Variants in SNTG1 observed in about 807,000 individuals in gnomAD.
The protein encoded by SNTG1 is syntrophin gamma 1.
A neutral mutation model predicts 74.7 loss-of-function variants in SNTG1; 39 were observed. That is an observed-to-expected ratio of 0.52 (90% CI 0.40 to 0.68). The LOEUF (loss-of-function observed/expected upper bound fraction) is 0.68. SNTG1 is among the 30% of genes least tolerant of loss of function. The probability of loss-of-function intolerance (pLI) is 0.00; values close to 1 mark genes in which losing one functional copy is unlikely to be tolerated. For missense variants in SNTG1, 685 were observed against 609.5 expected, an observed-to-expected ratio of 1.12 and a Z score of -1.30; for synonymous variants, 254 against 217.1, an observed-to-expected ratio of 1.17 and a Z score of -1.49.
intron 2 of SNTG1, among the ~76,000 whole-genome samples, chr8:50,281,119 G>T (rs1049950473): frequency 2.6e-5 from 4 of 151,904 alleles, no homozygotes; most frequent in Non-Finnish European, 1.5e-5. Context: ...ATATGTCAAA[G>T]AAATATGTTT....
chr8:50,687,287 G>A (rs972007871), intron 15 of SNTG1, among the ~76,000 whole-genome samples: 29 of 151,482 alleles, frequency 1.9e-4, no homozygotes, highest in Non-Finnish European at 4.4e-5. Flanking sequence ...CAACTAAGTA[G>A]CAGTAGTAAA....
intron 1 of SNTG1, among the ~76,000 whole-genome samples, chr8:49,962,277 G>A (rs1304277249): frequency 6.6e-6 from 1 of 151,728 alleles, no homozygotes; most frequent in Admixed American, 6.6e-5. Flanking sequence ...CATGCAGGAA[G>A]CTGAGAGACT....
intron 4 of SNTG1, among the ~76,000 whole-genome samples, chr8:50,427,601 A>G (rs1034823502): frequency 6.6e-6 from 1 of 151,952 alleles, no homozygotes; most frequent in African/African-American, 2.4e-5. Context: ...AAGCTTTTTT[A>G]TCTTTTGTAG....
intron 2 of SNTG1, among the ~76,000 whole-genome samples, chr8:50,202,790 G>GTTTTTTTTT (rs1456148674): frequency 7.3e-6 from 1 of 136,238 alleles, no homozygotes; most frequent in Non-Finnish European, 1.5e-5. Flanking sequence ...CTTTCTCTTT[G>GTTTTTTTTT]TTTTGTTTTT....
intron 2 of SNTG1, among the ~76,000 whole-genome samples, chr8:50,239,426 G>T (rs2086069201): frequency 6.6e-6 from 1 of 152,170 alleles, no homozygotes; most frequent in African/African-American, 2.4e-5. Context: ...TCACAAAGTG[G>T]CAGGAGAGAA....
Position 50,792,770 on chromosome 8 carries a change from G to C in SNTG1, c.1495G>C (p.Ala499Pro). ...CLDPLFLGNQ[A>P]TASTAASSAT... is the part of the protein sequence containing the mutation. ...GGACCCTCTATTTTTAGGCAATCAA[G>C]CTACTGCTTCTACTGCTGCCAGCTC... Residue 499 changes from alanine (A) to proline (P), a missense_variant, in exon 19 of 19, where the codon GCT (alanine) becomes CCT (proline). Coordinates refer to ENST00000642720, the MANE Select transcript of SNTG1 (RefSeq NM_018967.5). 6.2e-7 allele frequency: 1 copy of C among 1,612,520 alleles called. No individual in the cohort carries two copies. Among genetic ancestry groups the C allele is most frequent in the Non-Finnish European group, 8.5e-7 (1 of 1,178,974 alleles).
chr8:49,969,148 T>C (rs1811408284), intron 1 of SNTG1, among the ~76,000 whole-genome samples: 2 of 152,122 alleles, frequency 1.3e-5, no homozygotes, highest in African/African-American at 4.8e-5. Context: ...TAACTCAAAA[T>C]CTTCTGCATT....
intron 2 of SNTG1, among the ~76,000 whole-genome samples, chr8:50,202,265 A>G (rs1458876098): frequency 6.6e-6 from 1 of 152,128 alleles, no homozygotes; most frequent in Non-Finnish European, 1.5e-5. Flanking sequence ...ACAAATGGGT[A>G]GGGCCATGTA....
intron 2 of SNTG1, among the ~76,000 whole-genome samples, chr8:50,261,721 C>T (rs762398832): frequency 4.0e-5 from 6 of 151,704 alleles, no homozygotes; most frequent in East Asian, 1.9e-4. Context: ...TTGCATTAGA[C>T]GTAAATGTAA....
At chr8:50,500,404 C>G (rs1233154122) in intron 8 of SNTG1, among the ~76,000 whole-genome samples, 1 of 151,916 alleles carries the variant, frequency 6.6e-6, no homozygotes, top group Non-Finnish European at 1.5e-5. Flanking sequence ...GATATTATAA[C>G]ATAACTTTTT....
chr8:50,645,241 C>T (rs10111412), intron 13 of SNTG1, among the ~76,000 whole-genome samples: 32,513 of 129,322 alleles, frequency 0.25, 3,886 homozygotes, highest in African/African-American at 0.36. Flanking sequence ...TTCTTTGCTC[C>T]TCTCTTCAAT....
chr8:50,409,665 C>T (rs561664511), intron 4 of SNTG1, among the ~76,000 whole-genome samples: 6 of 152,288 alleles, frequency 3.9e-5, no homozygotes, highest in African/African-American at 9.6e-5. Flanking sequence ...GAATGGTTTA[C>T]CACTCTAAGT....
intron 1 of SNTG1, among the ~76,000 whole-genome samples, chr8:50,011,224 C>T (rs1815760780): frequency 6.6e-6 from 1 of 152,112 alleles, no homozygotes; most frequent in Non-Finnish European, 1.5e-5. Context: ...TCAGCTCTGA[C>T]TCTTACTAGC....
chr8:50,592,537 G>A (rs550350274), intron 13 of SNTG1, among the ~76,000 whole-genome samples: 4 of 152,140 alleles, frequency 2.6e-5, no homozygotes, highest in East Asian at 1.9e-4. Context: ...TTATACCCAG[G>A]TTTAGAATAG....
At chr8:49,982,603 CAA>C (rs33971834) in intron 1 of SNTG1, among the ~76,000 whole-genome samples, 6 of 126,318 alleles carry the variant, frequency 4.7e-5, no homozygotes, top group Admixed American at 8.2e-5. Context: ...GAGGCTGAAG[CAA>C]AAAAAAAAAA....
At chr8:50,148,551 T>TC (rs1391128703) in intron 1 of SNTG1, among the ~76,000 whole-genome samples, 1 of 152,008 alleles carries the variant, frequency 6.6e-6, no homozygotes, top group East Asian at 1.9e-4. Flanking sequence ...ATGATTTCCC[T>TC]CCCCCCAACC....
intron 2 of SNTG1, among the ~76,000 whole-genome samples, chr8:50,181,369 A>G (rs1014782021): frequency 1.3e-5 from 2 of 152,108 alleles, no homozygotes; most frequent in Non-Finnish European, 2.9e-5. Flanking sequence ...AGTTTTATTA[A>G]TTGCTTTAAT....
intron 17 of SNTG1, among the ~76,000 whole-genome samples, chr8:50,710,786 T>C (rs1251651864): frequency 6.6e-6 from 1 of 152,128 alleles, no homozygotes; most frequent in Non-Finnish European, 1.5e-5. Context: ...TCTAAGTGAA[T>C]GATTATGATG....
intron 13 of SNTG1, among the ~76,000 whole-genome samples, chr8:50,654,657 A>G (rs10958015): frequency 0.21 from 32,651 of 152,088 alleles, 3,927 homozygotes; most frequent in African/African-American, 0.31. Flanking sequence ...CCAAGAAACA[A>G]GTCTTATGAA....
Sources: gnomAD v4.1 joint callset for allele counts (sites outside exome capture counted in the v4.1 genomes callset) on GRCh38, gnomAD v4.1.1 for gene constraint, MANE v1.5 for transcripts, NCBI Gene and HGNC (gene_info 2026-07-23, HGNC 2026-07-21) for gene names.